Variants in IKZF2 observed in about 807,000 individuals in gnomAD.
IKZF2 encodes the protein zinc finger protein Helios.
IKZF2 carries 15 observed loss-of-function variants against 49.2 expected under a neutral mutation model. The observed-to-expected ratio is 0.30, with a 90% confidence interval of 0.20 to 0.47. IKZF2 has a LOEUF of 0.47. Among genes scored for constraint, IKZF2 ranks in the 20% least tolerant of loss-of-function variants. The pLI is 1.00. For synonymous variants in IKZF2, 227 were observed against 221.4 expected, an observed-to-expected ratio of 1.03 and a Z score of -0.23; for missense variants, 567 against 664.6, an observed-to-expected ratio of 0.85 and a Z score of 1.61.
chr2:213,137,372 G>C (rs115146682), intron 4 of IKZF2, among the ~76,000 whole-genome samples: 1,687 of 152,000 alleles, frequency 0.011, 17 homozygotes, highest in Non-Finnish European at 0.017. Context: ...TACTACATTC[G>C]AGTCAGTGTT....
chr2:213,015,933 G>A (rs1019511376), intron 7 of IKZF2, among the ~76,000 whole-genome samples: 6 of 151,976 alleles, frequency 3.9e-5, no homozygotes, highest in African/African-American at 9.7e-5. Context: ...ATATTTGAAC[G>A]CATTTAACAC....
In IKZF2 at chr2:212,999,940, C is replaced by T. The variant is rs1694744032; in HGVS notation, c.*7420G>A. ...AGTTGTACACACATACAGACACACA[C>T]TCACACATGCATATACAACACTCAT... On this transcript the variant is annotated 3_prime_UTR_variant, in exon 9 of 9. Transcript: ENST00000434687. The T allele has an allele frequency of 2.6e-5, 4 of 152,092 alleles. No individual in the cohort carries two copies. Among genetic ancestry groups the T allele is most frequent in the Non-Finnish European group, 3.0e-5 (2 of 67,754 alleles). 9.4% of individuals were successfully genotyped at this position (152,092 alleles called of 1,614,324 possible). A position where few individuals can be genotyped will look rare whatever the true frequency, so the allele number is the denominator to read the frequency against.
At chr2:213,130,157 C>A (rs553643976) in intron 4 of IKZF2, among the ~76,000 whole-genome samples, 1 of 152,146 alleles carries the variant, frequency 6.6e-6, no homozygotes, top group African/African-American at 2.4e-5. Flanking sequence ...TCAAAAGCTT[C>A]TAGTTTTCTG....
intron 4 of IKZF2, among the ~76,000 whole-genome samples, chr2:213,088,641 C>T (rs897146111): frequency 6.6e-6 from 1 of 152,068 alleles, no homozygotes; most frequent in Non-Finnish European, 1.5e-5. Context: ...CGGCTGTAAT[C>T]ACACCACTTG....
In IKZF2 at chr2:213,131,390, A is replaced by T. The variant is rs540758739; in HGVS notation, c.139+16318T>A. Among the ~76,000 whole-genome samples the T allele has an allele frequency of 3.3e-5, 5 of 152,312 alleles. No homozygotes were observed. The South Asian group carries it at 1.0e-3, about 32-fold the overall frequency. ...ATATCTACTAAATGACTGATTTATG[A>T]CTTGAAAGATTTGGATCATAAAGAT... On this transcript the variant is annotated intron_variant, in intron 4 of 8. Coordinates refer to ENST00000434687, the MANE Select transcript of IKZF2 (RefSeq NM_001387220.1).
chr2:213,022,138 G>A lies in IKZF2; in HGVS notation c.575-8C>T. ...ACTTGTGAGGTTTACCCACTGTGAAGAGAACTCAAGGTCAGTGTGCTGTTA... is the reference window on the plus strand; with the variant it reads ...ACTTGTGAGGTTTACCCACTGTGAAAAGAACTCAAGGTCAGTGTGCTGTTA... On this transcript the variant is annotated splice_polypyrimidine_tract_variant and splice_region_variant and intron_variant, in intron 6 of 8. Coordinates refer to ENST00000434687, the MANE Select transcript of IKZF2 (RefSeq NM_001387220.1). 2 of 1,598,482 alleles carry A rather than the reference G, an allele frequency of 1.3e-6. No homozygotes were observed. The highest frequency in any genetic ancestry group is 1.3e-5 in the African/African-American group (1 of 74,412).
At chr2:213,073,748 C>T (rs1056841084) in intron 4 of IKZF2, among the ~76,000 whole-genome samples, 1 of 152,168 alleles carries the variant, frequency 6.6e-6, no homozygotes, top group Non-Finnish European at 1.5e-5. Context: ...CTTGCTCTGT[C>T]GCCAGGTCTG....
intron 4 of IKZF2, among the ~76,000 whole-genome samples, chr2:213,122,483 T>G (rs1376215469): frequency 1.3e-5 from 2 of 152,238 alleles, no homozygotes; most frequent in African/African-American, 2.4e-5. Context: ...TCTTAGATGA[T>G]TCTTACGATC....
rs1699677331 is a variant in IKZF2 at position 213,041,728 on chromosome 2, T to C, written c.574+7985A>G. Among the ~76,000 whole-genome samples the C allele has an allele frequency of 2.6e-5, 4 of 152,238 alleles. No individual in the cohort carries two copies. In the South Asian group the frequency reaches 8.3e-4, roughly 32 times the overall value. Reference sequence around the variant, plus strand: ...TTTACATTTCACATAAAAAAAGTTATTATTTTTTTCTTTCTTAGACACTTC... The same window carrying C: ...TTTACATTTCACATAAAAAAAGTTACTATTTTTTTCTTTCTTAGACACTTC... On this transcript the variant is annotated intron_variant, in intron 6 of 8. Coordinates refer to ENST00000434687, the MANE Select transcript of IKZF2 (RefSeq NM_001387220.1).
intron 4 of IKZF2, among the ~76,000 whole-genome samples, chr2:213,138,928 T>G (rs746558765): frequency 3.8e-4 from 58 of 152,006 alleles, no homozygotes; most frequent in Non-Finnish European, 8.8e-5. Context: ...AGTGCTATTT[T>G]CCATCTTCAT....
At chr2:213,104,247 C>T (rs2059444872) in intron 4 of IKZF2, among the ~76,000 whole-genome samples, 2 of 149,318 alleles carry the variant, frequency 1.3e-5, no homozygotes, top group Admixed American at 1.3e-4. Flanking sequence ...CTCTCTACCA[C>T]TGCTTCTAAC....
intron 4 of IKZF2, among the ~76,000 whole-genome samples, chr2:213,114,805 G>T (rs556021238): frequency 6.6e-6 from 1 of 151,760 alleles, no homozygotes; most frequent in African/African-American, 2.4e-5. Flanking sequence ...GGTAGCGCGC[G>T]CCTGTAGTCC....
At chr2:213,147,509 G>A in intron 4 of IKZF2, 199 bp downstream of exon 4, 1 of 674,610 alleles carries the variant, frequency 1.5e-6, no homozygotes, top group Non-Finnish European at 2.7e-6. Context: ...TGCCACCTTG[G>A]GATAGTTCAG....
intron 4 of IKZF2, among the ~76,000 whole-genome samples, chr2:213,098,695 C>CGGTG (rs976023753): frequency 1.3e-5 from 2 of 152,092 alleles, no homozygotes; most frequent in African/African-American, 2.4e-5. Flanking sequence ...ATAGAATCAC[C>CGGTG]GCCTTAGGTG....
At chr2:213,067,552 C>T (rs1702276751) in intron 4 of IKZF2, among the ~76,000 whole-genome samples, 1 of 152,012 alleles carries the variant, frequency 6.6e-6, no homozygotes, top group Non-Finnish European at 1.5e-5. Context: ...GAGCAAAGTA[C>T]AAGAGAATTA....
intron 4 of IKZF2, among the ~76,000 whole-genome samples, chr2:213,124,784 C>T (rs760696631): frequency 3.9e-5 from 6 of 152,148 alleles, no homozygotes; most frequent in Admixed American, 2.6e-4. Flanking sequence ...ATTCAACTTG[C>T]TAATCAATTG....
chr2:213,135,791 A>G (rs1259551807), intron 4 of IKZF2, among the ~76,000 whole-genome samples: 1 of 151,936 alleles, frequency 6.6e-6, no homozygotes, highest in Non-Finnish European at 1.5e-5. Context: ...ACAAGAGATG[A>G]AAAGAAAAGA....
At chr2:213,144,970 C>A (rs2060998845) in intron 4 of IKZF2, among the ~76,000 whole-genome samples, 1 of 151,752 alleles carries the variant, frequency 6.6e-6, no homozygotes, top group African/African-American at 2.4e-5. Flanking sequence ...CTAGCACTGT[C>A]AAATAATGAT....
intron 4 of IKZF2, among the ~76,000 whole-genome samples, chr2:213,077,580 C>CTTTTTTTTT (rs58528665): frequency 3.4e-5 from 2 of 59,446 alleles, no homozygotes; most frequent in Non-Finnish European, 6.1e-5. Context: ...ATTCTATGTA[C>CTTTTTTTTT]TTTTTTTTTT....
Sources: gnomAD v4.1 joint callset for allele counts (sites outside exome capture counted in the v4.1 genomes callset) on GRCh38, gnomAD v4.1.1 for gene constraint, MANE v1.5 for transcripts, NCBI Gene and HGNC (gene_info 2026-07-23, HGNC 2026-07-21) for gene names.